The following NXPE4 variants were observed in gnomAD, a reference collection of about 807,000 sequenced individuals.
The protein encoded by NXPE4 is neurexophilin and PC-esterase domain family member 4.
In NXPE4, 42 loss-of-function variants were observed where a neutral mutation model predicts 33.3. The ratio of observed to expected loss-of-function variants is 1.26; its 90% CI spans 0.98 to 1.63. The LOEUF is 1.63. Ranked by LOEUF, NXPE4 falls within the 40% of genes most tolerant of loss-of-function variation. NXPE4 has a pLI of 0.00. For synonymous variants in NXPE4, 253 were observed against 234.9 expected, an observed-to-expected ratio of 1.08 and a Z score of -0.71; for missense variants, 709 against 647.6, an observed-to-expected ratio of 1.09 and a Z score of -1.03.
upstream of NXPE4, among the ~76,000 whole-genome samples, chr11:114,599,727 AAAC>A (rs1949616361): frequency 9.9e-5 from 15 of 152,134 alleles, no homozygotes; most frequent in South Asian, 3.1e-3. Flanking sequence ...ACACATTTTT[AAAC>A]AACAAGATCT....
chr11:114,641,227 A>T, the NXPE4 span, among the ~76,000 whole-genome samples: 13 of 152,150 alleles, frequency 8.5e-5, no homozygotes, highest in African/African-American at 3.1e-4. Context: ...AACATGAAAG[A>T]CAAGTTTAAA....
the NXPE4 span, among the ~76,000 whole-genome samples, chr11:114,640,954 A>G: frequency 6.6e-6 from 1 of 152,066 alleles, no homozygotes; most frequent in Admixed American, 6.6e-5. Context: ...AAAAGGCAGT[A>G]GAACACATAG....
At chr11:114,625,891 T>C in the NXPE4 span, among the ~76,000 whole-genome samples, 1 of 152,220 alleles carries the variant, frequency 6.6e-6, no homozygotes, top group South Asian at 2.1e-4. Context: ...GAGTTCCCTT[T>C]CCTAGTCAAA....
chr11:114,601,920 A>G, the NXPE4 span, among the ~76,000 whole-genome samples: 3 of 55,066 alleles, frequency 5.4e-5, no homozygotes, highest in African/African-American at 1.9e-4. Context: ...ATAATTATAT[A>G]TAATATATTT....
chr11:114,658,367 G>T, the NXPE4 span, among the ~76,000 whole-genome samples: 1 of 152,174 alleles, frequency 6.6e-6, no homozygotes, highest in Non-Finnish European at 1.5e-5. Flanking sequence ...ATTTCCGGGA[G>T]CACAGACGTA....
chr11:114,600,542 T>C (rs1949625457), upstream of NXPE4, among the ~76,000 whole-genome samples: 1 of 152,052 alleles, frequency 6.6e-6, no homozygotes, highest in Admixed American at 6.6e-5. Flanking sequence ...TAGAAAAAAA[T>C]TGAGTGACGT....
the NXPE4 span, among the ~76,000 whole-genome samples, chr11:114,677,811 C>A: frequency 6.6e-6 from 1 of 151,988 alleles, no homozygotes; most frequent in Non-Finnish European, 1.5e-5. Flanking sequence ...TATCTAGACA[C>A]TCTCATGCAG....
At chr11:114,615,866 C>T in the NXPE4 span, among the ~76,000 whole-genome samples, 1 of 151,590 alleles carries the variant, frequency 6.6e-6, no homozygotes, top group East Asian at 1.9e-4. Context: ...TGTGTAAGCA[C>T]TGTGACCTGG....
the NXPE4 span, among the ~76,000 whole-genome samples, chr11:114,608,723 C>T: frequency 2.6e-5 from 4 of 151,842 alleles, no homozygotes; most frequent in Non-Finnish European, 5.9e-5. Flanking sequence ...ATAAGTACTG[C>T]CTCGTGGGTA....
the NXPE4 span, among the ~76,000 whole-genome samples, chr11:114,664,052 G>A: frequency 7.9e-5 from 12 of 152,132 alleles, no homozygotes; most frequent in East Asian, 2.3e-3. Context: ...GAAAACTTAC[G>A]TTCACACAAA....
the NXPE4 span, among the ~76,000 whole-genome samples, chr11:114,601,231 C>T: frequency 2.0e-5 from 3 of 150,768 alleles, no homozygotes; most frequent in African/African-American, 7.3e-5. Flanking sequence ...ATTTTTCATC[C>T]CATTTCCCTT....
chr11:114,654,645 C>A, the NXPE4 span, among the ~76,000 whole-genome samples: 1 of 152,090 alleles, frequency 6.6e-6, no homozygotes, highest in African/African-American at 2.4e-5. Context: ...CTGAAAAAGA[C>A]ATCTCGTTCC....
the NXPE4 span, among the ~76,000 whole-genome samples, chr11:114,601,671 T>TA: frequency 2.7e-5 from 1 of 37,056 alleles, no homozygotes; most frequent in African/African-American, 1.2e-4. Flanking sequence ...TAATTATATA[T>TA]TATAATTATA....
At chr11:114,601,832 TTA>T in the NXPE4 span, among the ~76,000 whole-genome samples, 259 of 71,936 alleles carry the variant, frequency 3.6e-3, 3 homozygotes, top group Middle Eastern at 0.019. Context: ...TAATATATAA[TTA>T]TATATATAAT....
the NXPE4 span, among the ~76,000 whole-genome samples, chr11:114,633,465 A>C: frequency 2.1e-5 from 3 of 145,702 alleles, no homozygotes; most frequent in East Asian, 6.0e-4. Context: ...TCTTTTTTTT[A>C]TTTTAGTATT....
In NXPE4 at chr11:114,580,189, G is replaced by A; in HGVS notation, c.1042C>T (p.Leu348=). The change falls in exon 5 of 6, where the codon CTA becomes TTA. Residue 348 remains leucine (L), a synonymous_variant. Coordinates refer to ENST00000375478, the MANE Select transcript of NXPE4 (RefSeq NM_001077639.2). The stretch of plus-strand genomic sequence containing the variant: ...TGGCGGATCGTGGAATCTCCCATTA[G>A]GTATATGAGTTTTCCTCTCAGGCAT... The part of the protein sequence containing the change: ...KECLRGKLIY[L]MGDSTIRQWM... 1 of 1,614,000 alleles carries A rather than the reference G, an allele frequency of 6.2e-7. No homozygotes were observed. Among genetic ancestry groups the A allele is most frequent in the Non-Finnish European group, 8.5e-7 (1 of 1,179,924 alleles).
At chr11:114,657,928 G>C in the NXPE4 span, among the ~76,000 whole-genome samples, 2 of 152,174 alleles carry the variant, frequency 1.3e-5, no homozygotes, top group South Asian at 4.2e-4. Flanking sequence ...CAGTTATTTA[G>C]CATTAGTCAT....
intron 2 of NXPE4, among the ~76,000 whole-genome samples, chr11:114,592,007 G>C (rs879404770): frequency 3.9e-5 from 6 of 151,984 alleles, no homozygotes; most frequent in African/African-American, 1.5e-4. Flanking sequence ...CAACAAATTA[G>C]GCATGGAAGA....
At chr11:114,611,476 C>T in the NXPE4 span, among the ~76,000 whole-genome samples, 167 of 151,966 alleles carry the variant, frequency 1.1e-3, 1 homozygote, top group African/African-American at 3.8e-3. Flanking sequence ...CGTGGGTAAC[C>T]ACTGTTACCC....
Sources: allele counts gnomAD v4.1 joint callset (sites outside exome capture counted in the v4.1 genomes callset), GRCh38; gene constraint gnomAD v4.1.1; transcripts MANE v1.5; gene names NCBI Gene and HGNC (gene_info 2026-07-23, HGNC 2026-07-21).